MYCBPAP: variants seen among roughly 807,000 people sequenced by gnomAD.
The protein encoded by MYCBPAP is MYCBP associated protein.
In MYCBPAP, 60 loss-of-function variants were observed where a neutral mutation model predicts 106.1. The ratio of observed to expected loss-of-function variants is 0.57; its 90% confidence interval spans 0.46 to 0.70. The LOEUF is 0.70. Among genes scored for constraint, MYCBPAP ranks in the 30% least tolerant of loss-of-function variants. The pLI is 0.00. For synonymous variants in MYCBPAP, 407 were observed against 440.6 expected (o/e 0.92, Z 0.95); for missense variants, 1,064 against 1,169.3 (o/e 0.91, Z 1.31).
In MYCBPAP at chr17:50,522,227, C is replaced by T. The variant is rs942003080; in HGVS notation, c.1257+146C>T. 24 of 585,962 alleles carry T rather than the reference C, an allele frequency of 4.1e-5. No homozygotes were observed. In the Admixed American group the frequency reaches 5.9e-4, roughly 15 times the overall value. 36.3% of individuals were successfully genotyped at this position (585,962 alleles called of 1,614,324 possible). On this transcript the variant is annotated intron_variant, in intron 10 of 18. Transcript: ENST00000323776. ...TCAGCACGTCTGAAAATGGTGACAG[C>T]AACACTGACTTGAGCAAGAATAAAA... is the stretch of plus-strand genomic sequence containing the variant.
chr17:50,528,936 C>G, intron 17 of MYCBPAP, 82 bp from the exon 18 acceptor site: 3 of 1,597,068 alleles, frequency 1.9e-6, no homozygotes, highest in Non-Finnish European at 2.6e-6. Context: ...TGCCCAGGCT[C>G]TCCCAGTGAG....
rs774686275 is a variant in MYCBPAP at position 50,531,293 on chromosome 17, A to C, written c.2725-34A>C. 2.0e-6 allele frequency: 3 copies of C among 1,494,704 alleles called. No homozygotes were observed. The South Asian group carries it at 3.6e-5, about 18-fold the overall frequency. 92.6% of individuals were successfully genotyped at this position (1,494,704 alleles called of 1,614,324 possible). A position where few individuals can be genotyped will look rare whatever the true frequency, so the allele number is the denominator to read the frequency against. On this transcript the variant is annotated intron_variant, in intron 18 of 18. Coordinates refer to ENST00000323776, the MANE Select transcript of MYCBPAP (RefSeq NM_032133.6). ...CATATATAGGTGCTTCCCACAGAGTAAACTCTGCCTGTGATGTTGTCCCGT... is the reference window on the plus strand; with the variant it reads ...CATATATAGGTGCTTCCCACAGAGTCAACTCTGCCTGTGATGTTGTCCCGT...
Position 50,526,210 on chromosome 17 carries a change from G to C in MYCBPAP, c.2112G>C (p.Trp704Cys). 1 of 1,613,090 alleles carries C rather than the reference G, an allele frequency of 6.2e-7. No individual in the cohort carries two copies. Among genetic ancestry groups the C allele is most frequent in the Non-Finnish European group, 8.5e-7 (1 of 1,179,942 alleles). Residue 704 changes from tryptophan to cysteine, a missense_variant, in exon 14 of 19, where the codon TGG becomes TGC. Physicochemically the swap from Trp to Cys is radical, Grantham distance 215 (BLOSUM62 -2). Coordinates refer to ENST00000323776, the MANE Select transcript of MYCBPAP (RefSeq NM_032133.6). ...SPDVDSTKSP[W>C]EPDGLPLLEW... The stretch of plus-strand genomic sequence containing the variant: ...ATGTGGACAGCACCAAGAGCCCCTG[G>C]GAGCCGGATGGCCTTCCCCTGCTGG...
At position 50,523,105 on chromosome 17, in the gene MYCBPAP, G is replaced by A. The variant is rs2034336553; in HGVS notation, c.1424G>A (p.Arg475Gln). The A allele has an allele frequency of 2.5e-6, 4 of 1,613,764 alleles. No individual in the cohort carries two copies. Among genetic ancestry groups the A allele is most frequent in the African/African-American group, 1.3e-5 (1 of 75,022 alleles). Residue 475 changes from arginine to glutamine, a missense_variant, in exon 11 of 19, where the codon CGA becomes CAA. Arg to Gln is a conservative substitution (Grantham distance 43). Transcript: ENST00000323776. ...GACCTTAAGAAAAACAGGATGCAGC[G>A]ATTTTACTTTGACAACCGGGAAGGT... ...FQDLKKNRMQ[R>Q]FYFDNREGVI...
chr17:50,508,345 G>GGGGTCCTCGCCC (rs2033688251), upstream of MYCBPAP: 1 of 486,424 alleles, frequency 2.1e-6, no homozygotes, highest in South Asian at 3.4e-5. Context: ...GCAACTCGCG[G>GGGGTCCTCGCCC]GGGTCCTCGC....
Position 50,517,393 on chromosome 17 carries a change from G to A in MYCBPAP, c.305G>A (p.Cys102Tyr). ...LKPMDPRRKV[C>Y]HLVARPANPD... ...CCCATGGATCCTAGGAGGAAGGTCT[G>A]CCACCTTGTAGCACGTCCTGCGAAT... Residue 102 changes from cysteine to tyrosine, a missense_variant, in exon 3 of 19, where the codon TGC becomes TAC. Transcript: ENST00000323776. 1 of 1,614,122 alleles carries A rather than the reference G, an allele frequency of 6.2e-7. No individual in the cohort carries two copies. Among genetic ancestry groups the A allele is most frequent in the Non-Finnish European group, 8.5e-7 (1 of 1,180,026 alleles).
intron 10 of MYCBPAP, chr17:50,522,323 T>A (rs112538411): frequency 5.0e-6 from 2 of 397,836 alleles, no homozygotes; most frequent in Non-Finnish European, 9.5e-6. Context: ...ACAAGCAAAC[T>A]CAAGTAGGTA....
rs763877852 is a variant in MYCBPAP at position 50,521,396 on chromosome 17, A to G, written c.1113A>G (p.Arg371=). Residue 371 remains arginine, a synonymous_variant, in exon 9 of 19, where the codon AGA becomes AGG. Transcript: ENST00000323776. ...VTVEDYTVFE[R]SQGSSSEDTA... is the part of the protein sequence containing the mutation. ...TGGAAGACTACACAGTGTTTGAAAG[A>G]AGTCAGGGAAGCTCCTCTGAAGACA... The G allele has an allele frequency of 6.2e-7, 1 of 1,601,876 alleles. No homozygotes were observed. Among genetic ancestry groups the G allele is most frequent in the Non-Finnish European group, 8.5e-7 (1 of 1,173,408 alleles).
chr17:50,519,424 G>A (rs2034175752), intron 6 of MYCBPAP: 8 of 626,634 alleles, frequency 1.3e-5, no homozygotes, highest in Middle Eastern at 4.3e-4. Flanking sequence ...TGCAGTACCT[G>A]TACCAACCCA....
At chr17:50,528,974 C>T (rs2034549016) in intron 17 of MYCBPAP, 44 bp from the exon 18 acceptor site, 8 of 1,603,476 alleles carry the variant, frequency 5.0e-6, no homozygotes, top group Non-Finnish European at 6.8e-6. Context: ...CTTGGCCTAC[C>T]TCTGGAGCTC....
chr17:50,531,108 C>T (rs1420401123), intron 18 of MYCBPAP, among the ~76,000 whole-genome samples: 1 of 149,912 alleles, frequency 6.7e-6, no homozygotes, highest in Non-Finnish European at 1.5e-5. Context: ...GCCATGATCA[C>T]ACCACTGGAC....
chr17:50,527,468 C>A, intron 15 of MYCBPAP, 60 bp downstream of exon 15: 1 of 1,599,640 alleles, frequency 6.3e-7, no homozygotes. Context: ...CTGCAGGGGT[C>A]CTGGGCAGGC....
chr17:50,508,881 G>A (rs2033716911), intron 1 of MYCBPAP, 131 bp downstream of exon 1: 2 of 883,818 alleles, frequency 2.3e-6, no homozygotes, highest in Non-Finnish European at 3.7e-6. Context: ...GGGAAGTGGG[G>A]TACTGGGCAT....
intron 4 of MYCBPAP, 124 bp from the exon 5 acceptor site, chr17:50,518,417 C>A: frequency 1.3e-6 from 1 of 781,314 alleles, no homozygotes; most frequent in Non-Finnish European, 1.9e-6. Flanking sequence ...ACTCTGGAGT[C>A]CTGAAGAGGA....
At chr17:50,529,915 G>GTT in intron 18 of MYCBPAP, 1 of 444,524 alleles carries the variant, frequency 2.2e-6, no homozygotes, top group Non-Finnish European at 4.6e-6. Context: ...CGTTTTGTTT[G>GTT]TTAGTGTTGT....
At chr17:50,512,569 A>G (rs1392037673) in intron 1 of MYCBPAP, among the ~76,000 whole-genome samples, 1 of 152,198 alleles carries the variant, frequency 6.6e-6, no homozygotes, top group African/African-American at 2.4e-5. Flanking sequence ...TGTAATCCAC[A>G]TGGATCTGTT....
intron 10 of MYCBPAP, 171 bp from the exon 11 acceptor site, chr17:50,522,768 A>C: frequency 2.4e-6 from 1 of 408,464 alleles, no homozygotes. Flanking sequence ...AACCTCAGAG[A>C]CAACCACGCT....
chr17:50,517,760 T>C, intron 4 of MYCBPAP, 62 bp downstream of exon 4: 1 of 1,386,990 alleles, frequency 7.2e-7, no homozygotes, highest in South Asian at 1.2e-5. Flanking sequence ...GTCTCCCACC[T>C]GACACAGTCA....
chr17:50,512,107 G>A (rs2033875841), intron 1 of MYCBPAP, among the ~76,000 whole-genome samples: 4 of 148,372 alleles, frequency 2.7e-5, no homozygotes, highest in Admixed American at 6.8e-5. Context: ...GCTCTGGAGT[G>A]CAGTGGTGCA....
Sources: allele counts gnomAD v4.1 joint callset (sites outside exome capture counted in the v4.1 genomes callset), GRCh38; gene constraint gnomAD v4.1.1; transcripts MANE v1.5; gene names NCBI Gene and HGNC (gene_info 2026-07-23, HGNC 2026-07-21).